Variants in GABRB3 observed in about 807,000 individuals in gnomAD.
GABRB3 encodes gamma-aminobutyric acid receptor subunit beta-3.
A neutral mutation model predicts 52.1 loss-of-function variants in GABRB3; 14 were observed. That is an observed-to-expected ratio of 0.27 (90% CI 0.18 to 0.42). The LOEUF (loss-of-function observed/expected upper bound fraction) is 0.42, where lower values mean the gene tolerates loss of function less well. GABRB3 is among the 10% of genes least tolerant of loss of function. The pLI is 1.00. For missense variants in GABRB3, 307 were observed against 609.1 expected, an observed-to-expected ratio of 0.50 and a Z score of 5.22; for synonymous variants, 260 against 232.3, an observed-to-expected ratio of 1.12 and a Z score of -1.08.
At chr15:26,577,911 T>C (rs1890650774) in intron 6 of GABRB3, among the ~76,000 whole-genome samples, 1 of 152,198 alleles carries the variant, frequency 6.6e-6, no homozygotes, top group Non-Finnish European at 1.5e-5. Context: ...TTCAGCCTCC[T>C]GAATAGCTGG....
chr15:26,745,599 C>G (rs1245926754), intron 3 of GABRB3, among the ~76,000 whole-genome samples: 2 of 152,158 alleles, frequency 1.3e-5, no homozygotes, highest in South Asian at 4.1e-4. Context: ...CACAAGGCTC[C>G]GGGTGTCACC....
chr15:26,575,857 A>C (rs1400031931), intron 6 of GABRB3, among the ~76,000 whole-genome samples: 2 of 152,244 alleles, frequency 1.3e-5, no homozygotes, highest in Non-Finnish European at 2.9e-5. Flanking sequence ...ATCACTGTCC[A>C]AATGTACCAA....
chr15:26,588,503 G>A (rs1417622470), intron 4 of GABRB3, among the ~76,000 whole-genome samples: 4 of 152,040 alleles, frequency 2.6e-5, no homozygotes, highest in South Asian at 2.1e-4. Context: ...AGGCAGATGC[G>A]GCATTCAGAT....
intron 3 of GABRB3, among the ~76,000 whole-genome samples, chr15:26,705,687 A>G (rs540311933): frequency 3.7e-4 from 56 of 152,304 alleles, no homozygotes; most frequent in African/African-American, 1.3e-3. Flanking sequence ...AGAGACACCA[A>G]TCAGTGCAGA....
chr15:26,705,828 G>A lies in GABRB3; in HGVS notation c.240+66574C>T, dbSNP rs531458730. Reference sequence around the variant, plus strand: ...CCTGGGTTTTCACAGTTCACCATAGGGTATCATTTAAATATGTGCAGTTCA... The same window carrying A: ...CCTGGGTTTTCACAGTTCACCATAGAGTATCATTTAAATATGTGCAGTTCA... On this transcript the variant is annotated intron_variant, in intron 3 of 8. Transcript: ENST00000311550. Among the ~76,000 whole-genome samples, 7 of 152,078 alleles carry A rather than the reference G, an allele frequency of 4.6e-5. No individual in the cohort carries two copies. In the East Asian group the frequency reaches 1.4e-3, roughly 30 times the overall value.
chr15:26,755,316 T>C (rs1031759558), intron 3 of GABRB3, among the ~76,000 whole-genome samples: 1 of 151,414 alleles, frequency 6.6e-6, no homozygotes, highest in Non-Finnish European at 1.5e-5. Context: ...CCCCTAACAA[T>C]TTTTTTCCCA....
At chr15:26,687,880 C>G (rs903873000) in intron 3 of GABRB3, among the ~76,000 whole-genome samples, 2 of 152,132 alleles carry the variant, frequency 1.3e-5, no homozygotes, top group Non-Finnish European at 2.9e-5. Context: ...AAATAATTAC[C>G]TAGAATAAAC....
chr15:26,637,225 G>A (rs1260974209), intron 3 of GABRB3, among the ~76,000 whole-genome samples: 2 of 151,986 alleles, frequency 1.3e-5, no homozygotes, highest in East Asian at 1.9e-4. Flanking sequence ...CTTTGCATTC[G>A]CTGTTCCTTC....
chr15:26,692,217 T>A (rs1888609431), intron 3 of GABRB3, among the ~76,000 whole-genome samples: 1 of 152,222 alleles, frequency 6.6e-6, no homozygotes, highest in Non-Finnish European at 1.5e-5. Flanking sequence ...GTGATCTTTC[T>A]CTTCTCAGAA....
intron 3 of GABRB3, among the ~76,000 whole-genome samples, chr15:26,674,400 C>CAAAAAAAAAAAAA (rs55723767): frequency 1.8e-4 from 16 of 86,756 alleles, no homozygotes; most frequent in African/African-American, 5.7e-4. Flanking sequence ...GACTCAGTTT[C>CAAAAAAAAAAAAA]AAAAAAAAAA....
chr15:26,729,946 G>A (rs1889865613), intron 3 of GABRB3, among the ~76,000 whole-genome samples: 1 of 152,128 alleles, frequency 6.6e-6, no homozygotes, highest in Admixed American at 6.5e-5. Context: ...TGTAACCTCA[G>A]TACCTAGAAC....
At chr15:26,714,655 A>T (rs1432756572) in intron 3 of GABRB3, among the ~76,000 whole-genome samples, 2 of 152,194 alleles carry the variant, frequency 1.3e-5, no homozygotes, top group Admixed American at 6.5e-5. Context: ...CAGTGAGAAG[A>T]GGGGCGACTT....
intron 3 of GABRB3, among the ~76,000 whole-genome samples, chr15:26,632,643 A>G (rs1892942615): frequency 6.6e-6 from 1 of 152,182 alleles, no homozygotes; most frequent in Non-Finnish European, 1.5e-5. Flanking sequence ...CCCTTCACTA[A>G]ATAAACTGTT....
chr15:26,655,716 T>C (rs962161894), intron 3 of GABRB3, among the ~76,000 whole-genome samples: 3 of 146,084 alleles, frequency 2.1e-5, no homozygotes, highest in Non-Finnish European at 3.0e-5. Context: ...CACTCCAGCC[T>C]GGGTGACACA....
chr15:26,662,622 T>C (rs550467687), intron 3 of GABRB3, among the ~76,000 whole-genome samples: 1 of 152,114 alleles, frequency 6.6e-6, no homozygotes, highest in Non-Finnish European at 1.5e-5. Context: ...AGAAAAAAGG[T>C]GCCCACAACC....
At chr15:26,699,941 G>A (rs28866835) in intron 3 of GABRB3, among the ~76,000 whole-genome samples, 3,636 of 146,898 alleles carry the variant, frequency 0.025, 142 homozygotes, top group African/African-American at 0.085. Context: ...TTATAAAACT[G>A]GAAAAATTAG....
At position 26,547,998 on chromosome 15, in the gene GABRB3, C is replaced by T. The variant is rs1889321477; in HGVS notation, c.1217G>A (p.Ser406Asn). 5.6e-6 allele frequency: 9 copies of T among 1,614,096 alleles called. No individual in the cohort carries two copies. Among genetic ancestry groups the T allele is most frequent in the Non-Finnish European group, 7.6e-6 (9 of 1,180,046 alleles). Reference sequence around the variant, plus strand: ...TCGCCCATGCCCTTCTCGAGGCATGCTCTGTTTCCTGTACTGGATTCCTGA... The same window carrying T: ...TCGCCCATGCCCTTCTCGAGGCATGTTCTGTTTCCTGTACTGGATTCCTGA... ...DNSGIQYRKQ[S>N]MPREGHGRFL... Residue 406 changes from serine to asparagine, a missense_variant, in exon 9 of 9, where the codon AGC (serine) becomes AAC (asparagine). By Grantham distance (46) the Ser-to-Asn change is conservative. Transcript: ENST00000311550.
intron 3 of GABRB3, among the ~76,000 whole-genome samples, chr15:26,648,795 C>T (rs1887097051): frequency 6.6e-6 from 1 of 152,112 alleles, no homozygotes; most frequent in Admixed American, 6.5e-5. Context: ...GACCATGGTT[C>T]CTCTCTGATG....
rs1368631979 is a variant in GABRB3 at position 26,545,532 on chromosome 15, C to A, written c.*2261G>T. On this transcript the variant is annotated 3_prime_UTR_variant, in exon 9 of 9. Coordinates refer to ENST00000311550, the MANE Select transcript of GABRB3 (RefSeq NM_000814.6). ...ATTATACACTTAAATAGACCATTGA[C>A]TGTTTTTGTCCACATCCATTTACAT... 1.3e-5 allele frequency: 2 copies of A among 152,596 alleles called. No individual in the cohort carries two copies. Among genetic ancestry groups the A allele is most frequent in the African/African-American group, 4.8e-5 (2 of 41,438 alleles). The allele number at this position is 152,596 out of a possible 1,614,324, so 9.5% of individuals were successfully genotyped here.
Sources: gnomAD v4.1 joint callset for allele counts (sites outside exome capture counted in the v4.1 genomes callset) on GRCh38, gnomAD v4.1.1 for gene constraint, MANE v1.5 for transcripts, NCBI Gene and HGNC (gene_info 2026-07-23, HGNC 2026-07-21) for gene names.